CCM2L: variants seen among roughly 807,000 people sequenced by gnomAD.
CCM2L encodes cerebral cavernous malformations 2 protein-like.
In CCM2L, 36 loss-of-function variants were observed where a neutral mutation model predicts 54.1. The ratio of observed to expected loss-of-function variants is 0.67; its 90% CI spans 0.51 to 0.88. The LOEUF (loss-of-function observed/expected upper bound fraction) is 0.88. CCM2L is among the 40% of genes least tolerant of loss of function. CCM2L has a pLI of 0.00. For missense variants in CCM2L, 700 were observed against 812.1 expected (o/e 0.86, Z 1.68); for synonymous variants, 351 against 359.3 (o/e 0.98, Z 0.26).
chr20:32,010,828 AC>A (rs2122304320), intron 1 of CCM2L, among the ~76,000 whole-genome samples: 1 of 152,198 alleles, frequency 6.6e-6, no homozygotes, highest in Non-Finnish European at 1.5e-5. Context: ...ACAGACAGAC[AC>A]CCAGCAGATC....
At chr20:32,013,423 G>A (rs1432860828) in intron 1 of CCM2L, among the ~76,000 whole-genome samples, 1 of 152,146 alleles carries the variant, frequency 6.6e-6, no homozygotes, top group Non-Finnish European at 1.5e-5. Flanking sequence ...TCGTGTGTGT[G>A]TGGAGTGGGG....
At chr20:32,029,963 G>A in intron 9 of CCM2L, 125 bp downstream of exon 9, 1 of 1,218,128 alleles carries the variant, frequency 8.2e-7, no homozygotes, top group East Asian at 2.9e-5. Flanking sequence ...CCCAGATCAT[G>A]AGATTCACAG....
chr20:32,014,441 AT>A (rs1213041444), intron 1 of CCM2L, among the ~76,000 whole-genome samples: 1 of 151,708 alleles, frequency 6.6e-6, no homozygotes, highest in African/African-American at 2.4e-5. Flanking sequence ...AATTTTTGTA[AT>A]TTTAGTAGAG....
At chr20:32,029,328 G>C (rs568739922) in intron 8 of CCM2L, among the ~76,000 whole-genome samples, 1 of 152,172 alleles carries the variant, frequency 6.6e-6, no homozygotes, top group Non-Finnish European at 1.5e-5. Flanking sequence ...AGTGCCTGCT[G>C]TATACCAGGC....
intron 5 of CCM2L, among the ~76,000 whole-genome samples, chr20:32,019,837 C>G (rs777977908): frequency 4.5e-4 from 68 of 152,204 alleles, no homozygotes; most frequent in Non-Finnish European, 8.1e-4. Flanking sequence ...AAAAGGAAAC[C>G]GAGATCCATA....
intron 1 of CCM2L, among the ~76,000 whole-genome samples, chr20:32,013,888 T>G (rs1363401266): frequency 1.3e-5 from 2 of 152,150 alleles, no homozygotes; most frequent in East Asian, 3.9e-4. Context: ...AGTTTCTAAT[T>G]TAGTGGGTCT....
At position 32,031,227 on chromosome 20, in the gene CCM2L, G is replaced by T. The variant is rs915971637; in HGVS notation, c.1629G>T (p.Ala543=). Residue 543 remains alanine, a synonymous_variant, in exon 10 of 10, where the codon GCG becomes GCT. Transcript: ENST00000452892. The part of the protein sequence containing the change: ...LLADITHDIE[A]LAPDDDDDDE... ...CTGACATCACGCACGACATCGAGGC[G>T]CTGGCCCCCGATGACGACGACGACG... The T allele has an allele frequency of 2.3e-6, 3 of 1,299,546 alleles. No homozygotes were observed. Among genetic ancestry groups the T allele is most frequent in the African/African-American group, 1.5e-5 (1 of 65,646 alleles). The allele number at this position is 1,299,546 out of a possible 1,614,324, so 80.5% of individuals were successfully genotyped here.
In CCM2L at chr20:32,029,839, G is replaced by T. The variant is rs1483819741; in HGVS notation, c.1402+1G>T. On this transcript the variant is annotated splice_donor_variant, in intron 9 of 9. Transcript: ENST00000452892. LOFTEE classifies it high-confidence loss of function. Reference sequence around the variant, plus strand: ...GACCGGCGCAAGTTCCTCCTCCTTGGTGAGCCCCCGCTGTACCCCCAGAGG... The same window carrying T: ...GACCGGCGCAAGTTCCTCCTCCTTGTTGAGCCCCCGCTGTACCCCCAGAGG... 2 of 1,598,068 alleles carry T rather than the reference G, an allele frequency of 1.3e-6. No homozygotes were observed. The highest frequency in any genetic ancestry group is 1.7e-6 in the Non-Finnish European group (2 of 1,170,354).
chr20:32,014,173 C>T (rs2064717532), intron 1 of CCM2L, among the ~76,000 whole-genome samples: 2 of 150,908 alleles, frequency 1.3e-5, no homozygotes, highest in Admixed American at 6.6e-5. Flanking sequence ...TATGCACCCA[C>T]CACCACTCCA....
chr20:32,016,604 C>T (rs951316000), intron 2 of CCM2L, among the ~76,000 whole-genome samples: 1 of 150,820 alleles, frequency 6.6e-6, no homozygotes, highest in Non-Finnish European at 1.5e-5. Flanking sequence ...TGCGGTGAGC[C>T]GAGCTCACAC....
At position 32,029,848 on chromosome 20, in the gene CCM2L, C is replaced by T. The variant is rs747231679; in HGVS notation, c.1402+10C>T. 15 of 1,589,156 alleles carry T rather than the reference C, an allele frequency of 9.4e-6. No homozygotes were observed. Among genetic ancestry groups the T allele is most frequent in the Admixed American group, 1.7e-5 (1 of 57,930 alleles). On this transcript the variant is annotated intron_variant, in intron 9 of 9. Coordinates refer to ENST00000452892, the MANE Select transcript of CCM2L (RefSeq NM_001365692.1). ...AAGTTCCTCCTCCTTGGTGAGCCCC[C>T]GCTGTACCCCCAGAGGTCAGCTAGG...
rs1272077154 is a variant in CCM2L at position 32,030,988 on chromosome 20, CCTCGG to C, written c.1403-8_1403-4del. ...ACGTGTCCTGGGGACTCACCATGCC[CCTCGG>C]CTCGCAGGGATGCGGCCCTTCATCC... On this transcript the variant is annotated splice_polypyrimidine_tract_variant and splice_region_variant and intron_variant, in intron 9 of 9. Coordinates refer to ENST00000452892, the MANE Select transcript of CCM2L (RefSeq NM_001365692.1). The C allele has an allele frequency of 7.7e-7, 1 of 1,303,786 alleles. No homozygotes were observed. The highest frequency in any genetic ancestry group is 5.5e-5 in the East Asian group (1 of 18,026). 80.8% of individuals were successfully genotyped at this position (1,303,786 alleles called of 1,614,324 possible).
At chr20:32,020,386 C>T (rs2064792626) in intron 5 of CCM2L, among the ~76,000 whole-genome samples, 1 of 152,238 alleles carries the variant, frequency 6.6e-6, no homozygotes, top group Non-Finnish European at 1.5e-5. Flanking sequence ...GCTGGTTCCT[C>T]CTCTTCTTCA....
At position 32,019,101 on chromosome 20, in the gene CCM2L, G is replaced by T. The variant is rs1411047586; in HGVS notation, c.625G>T (p.Gly209Trp). ...CCTGGACTGGCGGATGGGGTGGGGT[G>T]GGGGCGCCGCGGAGGCCCGGGCCGG... ...CSLDWRMGWG[G>W]GAAEARAGGG... The change falls in exon 5 of 10, where the codon GGG becomes TGG. Residue 209 changes from glycine (G) to tryptophan (W), a missense_variant. Gly to Trp is a radical substitution (Grantham distance 184). Transcript: ENST00000452892. 1.4e-5 allele frequency: 16 copies of T among 1,182,266 alleles called. No homozygotes were observed. In the African/African-American group the frequency reaches 2.4e-4, roughly 18 times the overall value. The allele number at this position is 1,182,266 out of a possible 1,614,324, so 73.2% of individuals were successfully genotyped here.
chr20:32,030,319 G>A (rs1183378479), intron 9 of CCM2L, among the ~76,000 whole-genome samples: 2 of 152,130 alleles, frequency 1.3e-5, no homozygotes, highest in East Asian at 3.9e-4. Context: ...TGCAGGTGAG[G>A]AAACTGAGAC....
chr20:32,021,501 C>CA (rs1297624781), intron 5 of CCM2L, among the ~76,000 whole-genome samples: 2 of 152,084 alleles, frequency 1.3e-5, no homozygotes, highest in East Asian at 3.8e-4. Flanking sequence ...ACTAAAAATA[C>CA]AAAAAATTAT....
chr20:32,017,269 A>G (rs2064748470), intron 2 of CCM2L, among the ~76,000 whole-genome samples: 1 of 152,260 alleles, frequency 6.6e-6, no homozygotes, highest in African/African-American at 2.4e-5. Flanking sequence ...ATTTGATCCA[A>G]CATTCTTCCC....
intron 7 of CCM2L, 29 bp downstream of exon 7, chr20:32,025,948 C>A: frequency 7.7e-7 from 1 of 1,299,188 alleles, no homozygotes; most frequent in Non-Finnish European, 1.0e-6. Flanking sequence ...AGGGACTCCA[C>A]CCTGCTCCCC....
At chr20:32,016,304 T>C (rs901716352) in intron 2 of CCM2L, among the ~76,000 whole-genome samples, 4 of 152,198 alleles carry the variant, frequency 2.6e-5, no homozygotes, top group Non-Finnish European at 5.9e-5. Flanking sequence ...AGCATAATTA[T>C]GTCCCAAATA....
Sources: allele counts gnomAD v4.1 joint callset (sites outside exome capture counted in the v4.1 genomes callset), GRCh38; gene constraint gnomAD v4.1.1; transcripts MANE v1.5; gene names NCBI Gene and HGNC (gene_info 2026-07-23, HGNC 2026-07-21).